The following HS3ST4 variants were observed in gnomAD, a reference collection of about 807,000 sequenced individuals.
The protein encoded by HS3ST4 is heparan sulfate-glucosamine 3-sulfotransferase 4.
Under a neutral mutation model 29.2 loss-of-function variants are expected in HS3ST4, and 17 were observed. The observed-to-expected ratio is 0.58, with a 90% CI of 0.40 to 0.87. The LOEUF (loss-of-function observed/expected upper bound fraction) is 0.87, where lower values mean the gene tolerates loss of function less well. Ranked by LOEUF, HS3ST4 falls within the 40% of genes least tolerant of loss-of-function variation. The pLI is 0.00. For synonymous variants in HS3ST4, 314 were observed against 285.7 expected (o/e 1.10, Z -1.00); for missense variants, 627 against 634.5 (o/e 0.99, Z 0.13).
At chr16:25,831,284 CG>C (rs1967294883) in intron 1 of HS3ST4, among the ~76,000 whole-genome samples, 1 of 152,020 alleles carries the variant, frequency 6.6e-6, no homozygotes, top group South Asian at 2.1e-4. Flanking sequence ...GCATACTGAC[CG>C]GGCATGGTAG....
chr16:25,778,399 C>T (rs1343150970), intron 1 of HS3ST4, among the ~76,000 whole-genome samples: 1 of 152,174 alleles, frequency 6.6e-6, no homozygotes, highest in African/African-American at 2.4e-5. Context: ...CACATCCTTT[C>T]AGGCTTAGGT....
At chr16:26,054,311 GAA>G (rs1443935604) in intron 1 of HS3ST4, among the ~76,000 whole-genome samples, 190 of 141,198 alleles carry the variant, frequency 1.3e-3, no homozygotes, top group African/African-American at 5.5e-3. Flanking sequence ...GGAGGAGGAG[GAA>G]GAAGAAGAAG....
chr16:25,861,774 C>G (rs1967639940), intron 1 of HS3ST4, among the ~76,000 whole-genome samples: 1 of 152,164 alleles, frequency 6.6e-6, no homozygotes, highest in African/African-American at 2.4e-5. Context: ...AATTTTACCA[C>G]TTATCCTCCC....
At chr16:25,934,180 T>C (rs1311873530) in intron 1 of HS3ST4, among the ~76,000 whole-genome samples, 2 of 152,220 alleles carry the variant, frequency 1.3e-5, no homozygotes, top group Non-Finnish European at 2.9e-5. Flanking sequence ...GTCCTCTGAA[T>C]ACTGGCAAAC....
rs1555467593 is a variant in HS3ST4, at chr16:25,828,301, C to CTCTCTCTCTCT, written c.734+135150_734+135151insTCTCTCTCTCT. ...CTTTCTTTCTTTCTTTCTTTCTTTC[C>CTCTCTCTCTCT]CTCTCTCTCTCTCTCTCTCTCTCTC... On this transcript the variant is annotated intron_variant, in intron 1 of 1. Coordinates refer to ENST00000331351, the MANE Select transcript of HS3ST4 (RefSeq NM_006040.3). Among the ~76,000 whole-genome samples the CTCTCTCTCTCT allele has an allele frequency of 4.6e-4, 15 of 32,882 alleles. 1 individual carries two copies. The highest frequency in any genetic ancestry group is 9.9e-4 in the East Asian group (1 of 1,014). The allele number at this position is 32,882 out of a possible 152,430, so 21.6% of individuals were successfully genotyped here.
chr16:25,843,473 C>G (rs935659968), intron 1 of HS3ST4, among the ~76,000 whole-genome samples: 4 of 152,216 alleles, frequency 2.6e-5, no homozygotes, highest in African/African-American at 9.6e-5. Context: ...AGACCTGCAT[C>G]ACTTCCACAG....
chr16:25,888,237 G>A (rs890473548), intron 1 of HS3ST4, among the ~76,000 whole-genome samples: 1 of 152,082 alleles, frequency 6.6e-6, no homozygotes, highest in African/African-American at 2.4e-5. Flanking sequence ...AGCTAAAATT[G>A]CCTTGAAACC....
chr16:25,786,195 C>T (rs565503227), intron 1 of HS3ST4, among the ~76,000 whole-genome samples: 10 of 152,112 alleles, frequency 6.6e-5, no homozygotes, highest in South Asian at 6.2e-4. Flanking sequence ...GGCATTATTG[C>T]GCAGGGTAGA....
intron 1 of HS3ST4, among the ~76,000 whole-genome samples, chr16:25,978,936 C>CTTT (rs1183206964): frequency 3.0e-4 from 17 of 56,956 alleles, no homozygotes; most frequent in Admixed American, 8.1e-4. Flanking sequence ...TGTTCTTTCT[C>CTTT]TTTTTGTTTT....
intron 1 of HS3ST4, among the ~76,000 whole-genome samples, chr16:25,781,322 C>T (rs1356100943): frequency 1.3e-5 from 2 of 152,226 alleles, no homozygotes; most frequent in African/African-American, 4.8e-5. Flanking sequence ...TTCCCATACA[C>T]ACCAGCACCC....
intron 1 of HS3ST4, among the ~76,000 whole-genome samples, chr16:25,999,658 G>T (rs1377433806): frequency 6.7e-6 from 1 of 148,152 alleles, no homozygotes; most frequent in African/African-American, 2.5e-5. Context: ...AGAACTATGA[G>T]TTTTCCTCTG....
rs115947548 is a variant in HS3ST4 at position 26,113,817 on chromosome 16, T to G, written c.735-21795T>G. On this transcript the variant is annotated intron_variant, in intron 1 of 1. Transcript: ENST00000331351. ...GAATGACATCTGATGATATTTGGGA[T>G]GAAGGGGAGCATCATGAAGATAGAT... is the stretch of plus-strand genomic sequence containing the variant. Among the ~76,000 whole-genome samples the G allele has an allele frequency of 4.2e-3, 646 of 152,132 alleles. 8 individuals carry two copies. Among genetic ancestry groups the G allele is most frequent in the African/African-American group, 0.015 (620 of 41,500 alleles).
chr16:26,079,017 G>A (rs1461355185), intron 1 of HS3ST4, among the ~76,000 whole-genome samples: 1 of 152,202 alleles, frequency 6.6e-6, no homozygotes, highest in East Asian at 1.9e-4. Context: ...ATTGTTTGTG[G>A]TGCTTGGCAG....
At chr16:25,923,878 T>C (rs901667413) in intron 1 of HS3ST4, among the ~76,000 whole-genome samples, 1 of 152,168 alleles carries the variant, frequency 6.6e-6, no homozygotes. Context: ...GTGGATCCCA[T>C]TGGCATTTTC....
intron 1 of HS3ST4, among the ~76,000 whole-genome samples, chr16:25,940,565 C>T (rs1201502046): frequency 6.6e-6 from 1 of 152,116 alleles, no homozygotes; most frequent in Non-Finnish European, 1.5e-5. Flanking sequence ...GGAGAGCTCT[C>T]ATGTTTGGGA....
intron 1 of HS3ST4, among the ~76,000 whole-genome samples, chr16:25,845,265 T>C (rs1230120565): frequency 6.6e-6 from 1 of 152,112 alleles, no homozygotes; most frequent in South Asian, 2.1e-4. Flanking sequence ...TCTCAGCACT[T>C]TGGGAGGCTG....
chr16:26,099,142 A>G (rs1898963587), intron 1 of HS3ST4, among the ~76,000 whole-genome samples: 2 of 152,266 alleles, frequency 1.3e-5, no homozygotes, highest in South Asian at 4.1e-4. Context: ...CAAGTCAAAC[A>G]TCTGGTATAT....
In HS3ST4 at chr16:25,692,846, G is replaced by T. The variant is rs1375002718; in HGVS notation, c.429G>T (p.Pro143=). Residue 143 remains proline (P), a synonymous_variant, in exon 1 of 2, where the codon CCG becomes CCT. Coordinates refer to ENST00000331351, the MANE Select transcript of HS3ST4 (RefSeq NM_006040.3). ...CCCAGGACGCCTGGCTCCGGACCCC[G>T]CTGGCCCCCAGCGAGATGATCACGG... is the stretch of plus-strand genomic sequence containing the variant. The part of the protein sequence containing the change: ...GGAQDAWLRT[P]LAPSEMITAQ... 1.4e-6 allele frequency: 2 copies of T among 1,449,664 alleles called. No homozygotes were observed. Among genetic ancestry groups the T allele is most frequent in the South Asian group, 2.8e-5 (2 of 70,426 alleles). 89.8% of individuals were successfully genotyped at this position (1,449,664 alleles called of 1,614,324 possible).
intron 1 of HS3ST4, among the ~76,000 whole-genome samples, chr16:26,090,034 C>G (rs8052790): frequency 0.54 from 82,534 of 151,924 alleles, 23,148 homozygotes; most frequent in African/African-American, 0.68. Flanking sequence ...TTATAATTTT[C>G]TTAATAGGGC....
Sources: gnomAD v4.1 joint callset for allele counts (sites outside exome capture counted in the v4.1 genomes callset) on GRCh38, gnomAD v4.1.1 for gene constraint, MANE v1.5 for transcripts, NCBI Gene and HGNC (gene_info 2026-07-23, HGNC 2026-07-21) for gene names.